Variants in ALK observed in about 807,000 individuals in gnomAD.
ALK encodes ALK tyrosine kinase receptor.
ALK carries 74 observed loss-of-function variants against 163.1 expected under a neutral mutation model. The observed-to-expected ratio is 0.45, with a 90% CI of 0.38 to 0.55. ALK has a LOEUF of 0.55. ALK is among the 20% of genes least tolerant of loss of function. The pLI is 0.00. For missense variants in ALK, 2,063 were observed against 2,105.3 expected (o/e 0.98, Z 0.39); for synonymous variants, 960 against 843.2 (o/e 1.14, Z -2.40).
chr2:29,313,113 C>T (rs1419752933), intron 8 of ALK, among the ~76,000 whole-genome samples: 1 of 152,144 alleles, frequency 6.6e-6, no homozygotes. Context: ...AGAGGCTGGT[C>T]CCAGGTGGGC....
intron 1 of ALK, among the ~76,000 whole-genome samples, chr2:29,888,860 A>G (rs1303047599): frequency 6.6e-6 from 1 of 152,182 alleles, no homozygotes; most frequent in Non-Finnish European, 1.5e-5. Context: ...AACATCCAAT[A>G]CACCATTTCC....
intron 18 of ALK, 97 bp from the exon 19 acceptor site, chr2:29,225,662 T>C: frequency 1.0e-6 from 1 of 993,118 alleles, no homozygotes; most frequent in African/African-American, 1.6e-5. Context: ...AGACAAAAAC[T>C]ACTTGCTCCT....
At chr2:29,694,711 T>C (rs942455397) in intron 3 of ALK, 139 bp downstream of exon 3, 3 of 1,159,760 alleles carry the variant, frequency 2.6e-6, no homozygotes, top group African/African-American at 3.0e-5. Flanking sequence ...CAAGAAGCCA[T>C]GGAAAGTCAC....
chr2:29,719,631 C>T (rs1330856313), intron 1 of ALK, among the ~76,000 whole-genome samples: 2 of 152,212 alleles, frequency 1.3e-5, no homozygotes, highest in African/African-American at 4.8e-5. Flanking sequence ...TATTTGTCCT[C>T]ATTTTGCAGC....
At chr2:29,413,641 C>A (rs1373201134) in intron 4 of ALK, among the ~76,000 whole-genome samples, 1 of 152,120 alleles carries the variant, frequency 6.6e-6, no homozygotes, top group Non-Finnish European at 1.5e-5. Context: ...AAGCAAGTCT[C>A]CTGCCTCAGC....
rs116724018 is a variant in ALK, at chr2:29,895,254, C to T, written c.667+24739G>A. 8.4e-3 allele frequency among the ~76,000 whole-genome samples: 1,274 copies of T among 152,294 alleles called. 15 individuals carry two copies. The highest frequency in any genetic ancestry group is 0.027 in the African/African-American group (1,142 of 41,556). On this transcript the variant is annotated intron_variant, in intron 1 of 28. Transcript: ENST00000389048. ...TTGTTACTTGGGATGACCTCCTCCCCAGCACTCTGCACTGTGGAGGGGTGA... is the reference window on the plus strand; with the variant it reads ...TTGTTACTTGGGATGACCTCCTCCCTAGCACTCTGCACTGTGGAGGGGTGA...
intron 3 of ALK, chr2:29,681,390 T>C (rs890645904): frequency 5.3e-5 from 8 of 152,210 alleles, no homozygotes; most frequent in African/African-American, 1.7e-4. Flanking sequence ...GGCAAATGTT[T>C]TTACAGATGA....
intron 1 of ALK, among the ~76,000 whole-genome samples, chr2:29,909,245 C>A (rs1003565368): frequency 1.3e-5 from 2 of 152,196 alleles, no homozygotes; most frequent in Non-Finnish European, 2.9e-5. Context: ...GACTATAATC[C>A]TTGAAAGAGT....
At chr2:29,699,882 G>A (rs766903115) in intron 2 of ALK, among the ~76,000 whole-genome samples, 27 of 152,210 alleles carry the variant, frequency 1.8e-4, no homozygotes, top group Non-Finnish European at 2.5e-4. Flanking sequence ...TGAGAGGAGC[G>A]TCAAGTGCTA....
chr2:29,692,008 G>A (rs539587820), intron 3 of ALK, among the ~76,000 whole-genome samples: 1 of 152,318 alleles, frequency 6.6e-6, no homozygotes, highest in East Asian at 1.9e-4. Flanking sequence ...GAGGTCAAGT[G>A]TTGGAATCTG....
intron 1 of ALK, among the ~76,000 whole-genome samples, chr2:29,729,521 A>G (rs1679675748): frequency 6.6e-6 from 1 of 152,166 alleles, no homozygotes; most frequent in Non-Finnish European, 1.5e-5. Flanking sequence ...AAGGCCATAA[A>G]ACACCTTGGG....
chr2:29,878,199 T>A lies in ALK; in HGVS notation c.667+41794A>T, dbSNP rs1234614479. Among the ~76,000 whole-genome samples, 3 of 152,182 alleles carry A rather than the reference T, an allele frequency of 2.0e-5. No homozygotes were observed. The East Asian group carries it at 5.8e-4, about 29-fold the overall frequency. On this transcript the variant is annotated intron_variant, in intron 1 of 28. Transcript: ENST00000389048. ...GTTTACCATTTGTAAAGGGATTTGA[T>A]TGCCTCCAAGAAATATTAGTGTGGA...
chr2:29,411,227 G>C (rs1250041950), intron 4 of ALK, among the ~76,000 whole-genome samples: 1 of 152,026 alleles, frequency 6.6e-6, no homozygotes, highest in Non-Finnish European at 1.5e-5. Flanking sequence ...AGGTCTTCAG[G>C]GGCAATAACA....
rs60429543 is a variant in ALK, at chr2:29,571,602, C to CTTTTTTTT, written c.953-39494_953-39487dup. 4.7e-3 allele frequency among the ~76,000 whole-genome samples: 324 copies of CTTTTTTTT among 68,502 alleles called. 19 individuals carry two copies. Among genetic ancestry groups the CTTTTTTTT allele is most frequent in the Non-Finnish European group, 5.9e-3 (226 of 38,070 alleles). The allele number at this position is 68,502 out of a possible 152,430, so 44.9% of individuals were successfully genotyped here. ...TAAATTACCTAGTCTTGGCTCATAT[C>CTTTTTTTT]TTTTTTTTTTTTTTTTTTTTTTTTT... On this transcript the variant is annotated intron_variant, in intron 3 of 28. Coordinates refer to ENST00000389048, the MANE Select transcript of ALK (RefSeq NM_004304.5).
At chr2:29,459,224 C>T (rs1671027680) in intron 4 of ALK, among the ~76,000 whole-genome samples, 1 of 145,186 alleles carries the variant, frequency 6.9e-6, no homozygotes, top group Admixed American at 6.9e-5. Flanking sequence ...TTTGTTCACT[C>T]CTTAATTTAC....
chr2:29,233,112 T>C (rs1240719308), intron 14 of ALK, among the ~76,000 whole-genome samples: 1 of 152,202 alleles, frequency 6.6e-6, no homozygotes, highest in Non-Finnish European at 1.5e-5. Context: ...TATATCTCTC[T>C]GGATCTCAGT....
At chr2:29,196,677 G>C (rs1335375703) in intron 28 of ALK, 93 bp downstream of exon 28, 2 of 923,442 alleles carry the variant, frequency 2.2e-6, no homozygotes, top group African/African-American at 3.2e-5. Flanking sequence ...CTTGTACTCT[G>C]ACTGGCTTGA....
intron 1 of ALK, among the ~76,000 whole-genome samples, chr2:29,873,811 T>C (rs968504440): frequency 6.6e-6 from 1 of 151,116 alleles, no homozygotes; most frequent in Admixed American, 6.6e-5. Context: ...TTACCCAGGA[T>C]AGCAGTGATA....
intron 1 of ALK, among the ~76,000 whole-genome samples, chr2:29,733,280 T>C (rs549794673): frequency 2.5e-4 from 38 of 152,336 alleles, no homozygotes; most frequent in Admixed American, 2.2e-3. Flanking sequence ...GGTCTTCTTA[T>C]AGCTTTGAAA....
Sources: allele counts gnomAD v4.1 joint callset (sites outside exome capture counted in the v4.1 genomes callset), GRCh38; gene constraint gnomAD v4.1.1; transcripts MANE v1.5; gene names NCBI Gene and HGNC (gene_info 2026-07-23, HGNC 2026-07-21).